GABRG3: variants seen among roughly 807,000 people sequenced by gnomAD.
The protein encoded by GABRG3 is gamma-aminobutyric acid type A receptor subunit gamma3.
A neutral mutation model predicts 48.8 loss-of-function variants in GABRG3; 25 were observed. That is an observed-to-expected ratio of 0.51 (90% CI 0.37 to 0.72). The LOEUF (loss-of-function observed/expected upper bound fraction) is 0.72. Ranked by LOEUF, GABRG3 falls within the 30% of genes least tolerant of loss-of-function variation. The pLI is 0.00. For synonymous variants in GABRG3, 227 were observed against 217.6 expected (o/e 1.04, Z -0.38); for missense variants, 394 against 577.9 (o/e 0.68, Z 3.26).
At chr15:27,385,412 A>C (rs1015406995) in intron 5 of GABRG3, among the ~76,000 whole-genome samples, 2 of 151,306 alleles carry the variant, frequency 1.3e-5, no homozygotes, top group Non-Finnish European at 2.9e-5. Context: ...TGGAGGTTTG[A>C]ATCAAATTTT....
chr15:27,228,351 T>C (rs1420210287), intron 3 of GABRG3, among the ~76,000 whole-genome samples: 2 of 152,236 alleles, frequency 1.3e-5, no homozygotes, highest in Admixed American at 6.5e-5. Flanking sequence ...TTGCTAAGAG[T>C]GGTAGCCTCC....
Position 26,985,646 on chromosome 15 carries a change from C to T in GABRG3, c.202+8496C>T, listed in dbSNP as rs149992235. On this transcript the variant is annotated intron_variant, in intron 2 of 9. Transcript: ENST00000615808. ...TTAGCCAGTGGAAAGCAGACGAAGC[C>T]CCCCACTTGCATTTTTCTGAGCTGG... Among the ~76,000 whole-genome samples the T allele has an allele frequency of 3.9e-3, 597 of 152,020 alleles. 3 individuals carry two copies. Among genetic ancestry groups the T allele is most frequent in the Middle Eastern group, 0.017 (5 of 294 alleles).
At chr15:27,194,064 A>G (rs1286603552) in intron 3 of GABRG3, among the ~76,000 whole-genome samples, 3 of 152,148 alleles carry the variant, frequency 2.0e-5, no homozygotes, top group South Asian at 2.1e-4. Flanking sequence ...GTCTTTCAAT[A>G]TTTTGTTTTG....
At chr15:27,358,041 T>C (rs2140543288) in intron 5 of GABRG3, among the ~76,000 whole-genome samples, 1 of 152,334 alleles carries the variant, frequency 6.6e-6, no homozygotes, top group Non-Finnish European at 1.5e-5. Flanking sequence ...TTTATTAGTC[T>C]CCCAACCAAT....
At chr15:27,449,308 C>T (rs533416541) in intron 5 of GABRG3, among the ~76,000 whole-genome samples, 19 of 152,198 alleles carry the variant, frequency 1.2e-4, no homozygotes, top group Non-Finnish European at 1.9e-4. Context: ...TAGCATCACT[C>T]CTGACCTCTC....
intron 3 of GABRG3, among the ~76,000 whole-genome samples, chr15:27,259,616 G>A (rs1680558826): frequency 6.6e-6 from 1 of 152,136 alleles, no homozygotes; most frequent in Non-Finnish European, 1.5e-5. Context: ...TTGGTAGTAA[G>A]AGTTAAGTTG....
chr15:27,346,068 AG>A (rs1894356965), intron 5 of GABRG3, among the ~76,000 whole-genome samples: 2 of 1,246 alleles, frequency 1.6e-3, no homozygotes, highest in Non-Finnish European at 3.2e-3. Context: ...ANNAAAAAAG[AG>A]AGAGAAAGAA....
rs1230898638 is a variant in GABRG3 at position 27,532,520 on chromosome 15, A to G, written c.1123-80A>G. On this transcript the variant is annotated intron_variant, in intron 9 of 9. Coordinates refer to ENST00000615808, the MANE Select transcript of GABRG3 (RefSeq NM_033223.5). ...TTTATCTATAGGAGACAGATGTAAT[A>G]TGGACCTACTGCTTCATACACCTCA... 10 of 1,376,934 alleles carry G rather than the reference A, an allele frequency of 7.3e-6. No homozygotes were observed. In the East Asian group the frequency reaches 2.1e-4, roughly 29 times the overall value. The allele number at this position is 1,376,934 out of a possible 1,614,324, so 85.3% of individuals were successfully genotyped here.
intron 3 of GABRG3, among the ~76,000 whole-genome samples, chr15:27,252,333 G>A (rs886394682): frequency 1.3e-5 from 2 of 152,094 alleles, no homozygotes; most frequent in Admixed American, 1.3e-4. Context: ...CCTGCTCCCA[G>A]ACCCCAGGCT....
At chr15:27,470,142 A>G (rs2150839923) in intron 5 of GABRG3, among the ~76,000 whole-genome samples, 1 of 152,270 alleles carries the variant, frequency 6.6e-6, no homozygotes, top group Admixed American at 6.5e-5. Context: ...TTTACTTATC[A>G]AATTTCAGTG....
intron 3 of GABRG3, among the ~76,000 whole-genome samples, chr15:27,264,128 T>C (rs1459915360): frequency 6.6e-6 from 1 of 151,174 alleles, no homozygotes; most frequent in African/African-American, 2.4e-5. Context: ...AGAGGGAGGA[T>C]CTAGAAGCCA....
intron 3 of GABRG3, among the ~76,000 whole-genome samples, chr15:27,132,069 C>T (rs868859680): frequency 2.6e-5 from 4 of 152,138 alleles, no homozygotes; most frequent in Middle Eastern, 3.4e-3. Flanking sequence ...ATATTTTCTT[C>T]CATTCTGTAG....
intron 3 of GABRG3, among the ~76,000 whole-genome samples, chr15:27,249,800 A>G (rs1890397132): frequency 6.6e-6 from 1 of 152,214 alleles, no homozygotes; most frequent in South Asian, 2.1e-4. Flanking sequence ...AGGAATGGCA[A>G]AAAGAAATCA....
At chr15:27,452,039 G>A (rs1191485996) in intron 5 of GABRG3, among the ~76,000 whole-genome samples, 4 of 152,106 alleles carry the variant, frequency 2.6e-5, no homozygotes, top group African/African-American at 7.2e-5. Context: ...ATGTCAAATT[G>A]GAAGAAAATT....
chr15:27,140,976 G>A lies in GABRG3; in HGVS notation c.270+114155G>A, dbSNP rs145398671. On this transcript the variant is annotated intron_variant, in intron 3 of 9. Transcript: ENST00000615808. Reference sequence around the variant, plus strand: ...CTGTCGTCCTTCATATTTTCTCGCGGTAGAGTCCAAAATTGTCAGCCTTTG... The same window carrying A: ...CTGTCGTCCTTCATATTTTCTCGCGATAGAGTCCAAAATTGTCAGCCTTTG... 9.6e-4 allele frequency among the ~76,000 whole-genome samples: 146 copies of A among 152,218 alleles called. 1 individual carries two copies. The highest frequency in any genetic ancestry group is 1.7e-3 in the Admixed American group (26 of 15,286).
chr15:27,152,608 T>G (rs1898337512), intron 3 of GABRG3, among the ~76,000 whole-genome samples: 1 of 152,214 alleles, frequency 6.6e-6, no homozygotes, highest in African/African-American at 2.4e-5. Context: ...GTTGTTGAAG[T>G]CATAAAAACC....
rs945604936 is a variant in GABRG3, at chr15:27,128,198, C to CA, written c.270+101383dup. Among the ~76,000 whole-genome samples, 264 of 152,228 alleles carry CA rather than the reference C, an allele frequency of 1.7e-3. 4 individuals are homozygous for CA. Among genetic ancestry groups the CA allele is most frequent in the African/African-American group, 6.1e-3 (254 of 41,534 alleles). On this transcript the variant is annotated intron_variant, in intron 3 of 9. Transcript: ENST00000615808. ...GCAACATAGTGAGACCCTGTCTCTA[C>CA]AAAAAAGATAAAATGTGGTTTGTTA... is the stretch of plus-strand genomic sequence containing the variant.
intron 3 of GABRG3, among the ~76,000 whole-genome samples, chr15:27,072,678 C>T (rs1331729975): frequency 6.6e-6 from 1 of 152,180 alleles, no homozygotes; most frequent in African/African-American, 2.4e-5. Context: ...AAGGACTTTG[C>T]CTTCCTCAGC....
At chr15:27,165,862 A>G (rs1887353883) in intron 3 of GABRG3, among the ~76,000 whole-genome samples, 4 of 152,028 alleles carry the variant, frequency 2.6e-5, no homozygotes, top group Admixed American at 2.6e-4. Flanking sequence ...GCCCTAGAGG[A>G]AGAAAAGGCA....
Sources: gnomAD v4.1 joint callset for allele counts (sites outside exome capture counted in the v4.1 genomes callset) on GRCh38, gnomAD v4.1.1 for gene constraint, MANE v1.5 for transcripts, NCBI Gene and HGNC (gene_info 2026-07-23, HGNC 2026-07-21) for gene names.